The following KDM4C variants were observed in gnomAD, a reference collection of about 807,000 sequenced individuals.
KDM4C encodes lysine demethylase 4C.
KDM4C carries 81 observed loss-of-function variants against 129.3 expected under a neutral mutation model. The observed-to-expected ratio is 0.63, with a 90% confidence interval of 0.52 to 0.75. The LOEUF is 0.75. Among genes scored for constraint, KDM4C ranks in the 30% least tolerant of loss-of-function variants. The pLI is 0.00. For synonymous variants in KDM4C, 573 were observed against 456.1 expected (o/e 1.26, Z -3.26); for missense variants, 1,457 against 1,304.0 (o/e 1.12, Z -1.81).
chr9:6,835,053 C>T (rs1564122460), intron 4 of KDM4C: 1 of 953,604 alleles, frequency 1.0e-6, no homozygotes, highest in Non-Finnish European at 1.7e-6. Flanking sequence ...ACAGCTTCAC[C>T]ACCACGGCTG....
chr9:6,765,489 T>C (rs1393773623), intron 1 of KDM4C, among the ~76,000 whole-genome samples: 1 of 152,182 alleles, frequency 6.6e-6, no homozygotes, highest in Non-Finnish European at 1.5e-5. Flanking sequence ...TGTATATTTT[T>C]GTGATTATTT....
At chr9:7,077,885 T>C (rs1834102923) in intron 17 of KDM4C, among the ~76,000 whole-genome samples, 1 of 152,208 alleles carries the variant, frequency 6.6e-6, no homozygotes, top group South Asian at 2.1e-4. Context: ...GGTCACCCTC[T>C]TACCTTGGGT....
chr9:6,969,193 C>T (rs183939646), intron 8 of KDM4C, among the ~76,000 whole-genome samples: 235 of 152,316 alleles, frequency 1.5e-3, no homozygotes, highest in African/African-American at 5.5e-3. Context: ...GCGTCTGCCT[C>T]CCAAAGTGCT....
At chr9:7,054,807 T>G (rs1425353213) in intron 17 of KDM4C, among the ~76,000 whole-genome samples, 9 of 152,332 alleles carry the variant, frequency 5.9e-5, no homozygotes, top group African/African-American at 9.6e-5. Flanking sequence ...TTAAGAAATC[T>G]TAGGAAGTTG....
intron 12 of KDM4C, among the ~76,000 whole-genome samples, chr9:7,003,809 T>A (rs1821165616): frequency 6.6e-6 from 1 of 152,224 alleles, no homozygotes; most frequent in South Asian, 2.1e-4. Flanking sequence ...AAAAAATCAC[T>A]TAAATATAGT....
intron 17 of KDM4C, among the ~76,000 whole-genome samples, chr9:7,080,504 G>A (rs1455660860): frequency 6.6e-6 from 1 of 152,180 alleles, no homozygotes; most frequent in South Asian, 2.1e-4. Flanking sequence ...GAAGTGAAAT[G>A]CTTGATATGG....
chr9:6,925,316 A>G, intron 8 of KDM4C: 1 of 985,402 alleles, frequency 1.0e-6, no homozygotes. Flanking sequence ...TAAAGGAGAC[A>G]CAAGCTTTCA....
Position 6,817,556 on chromosome 9 carries a change from G to A in KDM4C, c.435+2811G>A, listed in dbSNP as rs540120240. On this transcript the variant is annotated intron_variant, in intron 4 of 21. Coordinates refer to ENST00000381309, the MANE Select transcript of KDM4C (RefSeq NM_015061.6). ...GTTGACAGACTGGTGTTTTAAATAC[G>A]TATATGTTTGAAATAGTAAAAATAA... Among the ~76,000 whole-genome samples the A allele has an allele frequency of 3.4e-4, 51 of 151,830 alleles. 1 individual carries two copies. In the South Asian group the frequency reaches 6.9e-3, roughly 20 times the overall value.
At chr9:7,051,387 C>A (rs1032523803) in intron 17 of KDM4C, among the ~76,000 whole-genome samples, 2 of 152,122 alleles carry the variant, frequency 1.3e-5, no homozygotes, top group Non-Finnish European at 2.9e-5. Flanking sequence ...ATTGATGTTC[C>A]ATGGTGATCA....
At chr9:7,102,287 C>G (rs1587648909) in intron 17 of KDM4C, among the ~76,000 whole-genome samples, 1 of 144,120 alleles carries the variant, frequency 6.9e-6, no homozygotes, top group African/African-American at 2.6e-5. Flanking sequence ...ACAAACTTGG[C>G]TCTTGCACCT....
At chr9:6,877,396 T>TTC (rs1237994024) in intron 5 of KDM4C, among the ~76,000 whole-genome samples, 2 of 152,110 alleles carry the variant, frequency 1.3e-5, no homozygotes, top group Non-Finnish European at 2.9e-5. Flanking sequence ...GAAATGGGGT[T>TTC]TCACCTTGTT....
At chr9:6,766,558 C>T (rs1048639522) in intron 1 of KDM4C, among the ~76,000 whole-genome samples, 2 of 151,884 alleles carry the variant, frequency 1.3e-5, no homozygotes, top group South Asian at 4.2e-4. Context: ...TTTCAGTCGA[C>T]CGAGAGTGTC....
At chr9:6,782,893 G>C (rs1322778166) in intron 1 of KDM4C, among the ~76,000 whole-genome samples, 4 of 152,176 alleles carry the variant, frequency 2.6e-5, no homozygotes, top group African/African-American at 9.7e-5. Context: ...AAGAACGACA[G>C]AAGTCACTCG....
At chr9:6,732,363 TC>T (rs2130219543) in intron 1 of KDM4C, among the ~76,000 whole-genome samples, 2 of 48,826 alleles carry the variant, frequency 4.1e-5, no homozygotes, top group African/African-American at 7.6e-5. Flanking sequence ...AGACTCTGTC[TC>T]AAAAAAAAAA....
intron 4 of KDM4C, among the ~76,000 whole-genome samples, chr9:6,839,640 C>G (rs1459127727): frequency 6.6e-6 from 1 of 152,082 alleles, no homozygotes; most frequent in Admixed American, 6.5e-5. Context: ...GGCATGGTGG[C>G]TCGTGCCTAT....
intron 20 of KDM4C, among the ~76,000 whole-genome samples, chr9:7,169,335 T>C (rs1160950830): frequency 2.6e-5 from 4 of 152,166 alleles, no homozygotes; most frequent in Non-Finnish European, 1.5e-5. Context: ...ATTTAGTTTA[T>C]TTATTTATTT....
At chr9:6,763,946 G>A (rs1281041973) in intron 1 of KDM4C, among the ~76,000 whole-genome samples, 3 of 152,050 alleles carry the variant, frequency 2.0e-5, no homozygotes, top group Admixed American at 6.6e-5. Context: ...TAGTAGAGAC[G>A]GAGGGTTTCT....
At chr9:6,937,551 C>G (rs1361849751) in intron 8 of KDM4C, among the ~76,000 whole-genome samples, 1 of 151,934 alleles carries the variant, frequency 6.6e-6, no homozygotes, top group Non-Finnish European at 1.5e-5. Context: ...GGATATTAAC[C>G]TCTTTGATAG....
chr9:7,074,164 T>A lies in KDM4C; in HGVS notation c.2424+24964T>A, dbSNP rs1003283183. Among the ~76,000 whole-genome samples, 3 of 147,340 alleles carry A rather than the reference T, an allele frequency of 2.0e-5. No homozygotes were observed. In the Admixed American group the frequency reaches 2.0e-4, roughly 10 times the overall value. On this transcript the variant is annotated intron_variant, in intron 17 of 21. Transcript: ENST00000381309. ...CTGAATCTTTTAAGTGCTGAGCAAA[T>A]TTTTTTTTTTTCTTTCTGAGTTGGA...
Sources: gnomAD v4.1 joint callset for allele counts (sites outside exome capture counted in the v4.1 genomes callset) on GRCh38, gnomAD v4.1.1 for gene constraint, MANE v1.5 for transcripts, NCBI Gene and HGNC (gene_info 2026-07-23, HGNC 2026-07-21) for gene names.